Variants in CATSPER4 observed in about 807,000 individuals in gnomAD.
CATSPER4 encodes the protein cation channel sperm-associated protein 4.
CATSPER4 carries 46 observed loss-of-function variants against 54.4 expected under a neutral mutation model. The observed-to-expected ratio is 0.84, with a 90% CI of 0.67 to 1.08. The LOEUF (loss-of-function observed/expected upper bound fraction) is 1.08, where lower values mean the gene tolerates loss of function less well. Ranked by LOEUF, CATSPER4 falls within the 50% of genes least tolerant of loss-of-function variation. The probability of loss-of-function intolerance (pLI) is 0.00; values close to 1 mark genes in which losing one functional copy is unlikely to be tolerated. For missense variants in CATSPER4, 574 were observed against 612.8 expected, an observed-to-expected ratio of 0.94 and a Z score of 0.67; for synonymous variants, 230 against 231.9, an observed-to-expected ratio of 0.99 and a Z score of 0.08.
intron 6 of CATSPER4, among the ~76,000 whole-genome samples, chr1:26,199,049 G>A (rs1403058533): frequency 6.6e-6 from 1 of 152,194 alleles, no homozygotes; most frequent in Non-Finnish European, 1.5e-5. Context: ...GCTCACGCCT[G>A]TAATCCCAGC....
chr1:26,198,110 C>A, intron 5 of CATSPER4, 33 bp downstream of exon 5: 2 of 1,614,186 alleles, frequency 1.2e-6, no homozygotes, highest in Non-Finnish European at 1.7e-6. Flanking sequence ...AGCTGTTTCC[C>A]TTCCCTGAAC....
chr1:26,201,310 C>G (rs778928926), intron 8 of CATSPER4, 44 bp from the exon 9 acceptor site: 1 of 1,604,780 alleles, frequency 6.2e-7, no homozygotes, highest in Non-Finnish European at 8.5e-7. Context: ...GGCTGCTTCC[C>G]TCCCCTGAGG....
intron 3 of CATSPER4, among the ~76,000 whole-genome samples, chr1:26,195,570 G>A (rs540181692): frequency 2.0e-5 from 3 of 149,692 alleles, no homozygotes; most frequent in East Asian, 3.9e-4. Flanking sequence ...GCGCGATCTC[G>A]GCTCACTGCA....
chr1:26,197,750 A>C lies in CATSPER4; in HGVS notation c.524A>C (p.Glu175Ala), dbSNP rs1372052162. 1 of 1,613,874 alleles carries C rather than the reference A, an allele frequency of 6.2e-7. No individual in the cohort carries two copies. Among genetic ancestry groups the C allele is most frequent in the Non-Finnish European group, 8.5e-7 (1 of 1,179,946 alleles). ...TTGCTCTTGCGGTTCTTCATTAATGAAATCAATATTCCCTCCATCAACTAC... is the reference window on the plus strand; with the variant it reads ...TTGCTCTTGCGGTTCTTCATTAATGCAATCAATATTCCCTCCATCAACTAC... Reference protein sequence around the residue: ...FILLLRFFINEINIPSINYTL... With the variant: ...FILLLRFFINAINIPSINYTL... The change falls in exon 4 of 10, where the codon GAA (glutamate) becomes GCA (alanine). Residue 175 changes from glutamate (E) to alanine (A), a missense_variant. Glu to Ala is a moderately radical substitution (Grantham distance 107). Transcript: ENST00000456354.
At chr1:26,195,522 A>T in intron 3 of CATSPER4, among the ~76,000 whole-genome samples, 1 of 140,134 alleles carries the variant, frequency 7.1e-6, no homozygotes, top group Non-Finnish European at 1.5e-5. Flanking sequence ...TTTTTTTGAG[A>T]CGGAGTCTCG....
rs1407922063 is a variant in CATSPER4, at chr1:26,191,379, G to A, written c.306G>A (p.Leu102=). The A allele has an allele frequency of 1.2e-6, 2 of 1,614,052 alleles. No homozygotes were observed. Among genetic ancestry groups the A allele is most frequent in the Non-Finnish European group, 8.5e-7 (1 of 1,180,028 alleles). ...PAFQLLLALL[L]VINAITIALR... ...TCCAACTGCTGCTGGCCCTGCTGCT[G>A]GTGATCAATGCCATCACCATCGCTC... The change falls in exon 2 of 10, where the codon CTG becomes CTA. Residue 102 remains leucine, a synonymous_variant. Transcript: ENST00000456354.
rs2089007010 is a variant in CATSPER4, at chr1:26,201,438, G to A, written c.1284G>A (p.Ser428=). ...ACAGGCGCTCGTCGACGAGCGGGTC[G>A]TTGGAGACTACGTCATCCAAGGACA... The part of the protein sequence containing the change: ...VLNRRSSTSG[S]LETTSSKDIR... The change falls in exon 9 of 10, where the codon TCG becomes TCA. Residue 428 remains serine (S), a synonymous_variant. Coordinates refer to ENST00000456354, the MANE Select transcript of CATSPER4 (RefSeq NM_198137.2). 1 of 1,613,790 alleles carries A rather than the reference G, an allele frequency of 6.2e-7. No individual in the cohort carries two copies. The highest frequency in any genetic ancestry group is 1.1e-5 in the South Asian group (1 of 91,084).
At chr1:26,198,806 T>C (rs945437648) in intron 6 of CATSPER4, among the ~76,000 whole-genome samples, 7 of 152,244 alleles carry the variant, frequency 4.6e-5, no homozygotes, top group Admixed American at 2.0e-4. Context: ...TTTCATTCAT[T>C]CTTAAACCCA....
At chr1:26,198,189 T>A (rs960458602) in intron 5 of CATSPER4, 97 bp from the exon 6 acceptor site, 9 of 1,613,278 alleles carry the variant, frequency 5.6e-6, no homozygotes, top group Non-Finnish European at 7.6e-6. Context: ...CCTGAATCCC[T>A]GTGATTTCCT....
intron 3 of CATSPER4, among the ~76,000 whole-genome samples, chr1:26,196,916 T>TC (rs199724470): frequency 9.8e-4 from 43 of 43,800 alleles, no homozygotes; most frequent in African/African-American, 1.4e-3. Flanking sequence ...TTTCTTTCTT[T>TC]TTTTTTTTTT....
rs116785710 is a variant in CATSPER4, at chr1:26,199,381, C to T, written c.813-503C>T. 3.6e-3 allele frequency among the ~76,000 whole-genome samples: 542 copies of T among 150,256 alleles called. 6 individuals are homozygous for T. The highest frequency in any genetic ancestry group is 0.012 in the African/African-American group (503 of 40,776). On this transcript the variant is annotated intron_variant, in intron 6 of 9. Coordinates refer to ENST00000456354, the MANE Select transcript of CATSPER4 (RefSeq NM_198137.2). ...TGGGAGGCGGAGGTTGCGGTGAACC[C>T]ATATCACGCCACTGCACTCCAGCTT... is the stretch of plus-strand genomic sequence containing the variant.
chr1:26,202,446 C>CG (rs776604961), intron 9 of CATSPER4, 43 bp from the exon 10 acceptor site: 53 of 1,572,644 alleles, frequency 3.4e-5, no homozygotes, highest in Admixed American at 1.5e-4. Flanking sequence ...GCTGCCATAT[C>CG]GGGGGGAGTG....
At chr1:26,193,725 G>A in intron 2 of CATSPER4, 62 bp from the exon 3 acceptor site, 1 of 1,065,364 alleles carries the variant, frequency 9.4e-7, no homozygotes, top group Non-Finnish European at 1.5e-6. Context: ...CTCCCTGCCG[G>A]CTTGCCCAGG....
At chr1:26,197,824 G>A (rs756390365) in intron 4 of CATSPER4, 41 bp downstream of exon 4, 1 of 1,607,546 alleles carries the variant, frequency 6.2e-7, no homozygotes, top group Admixed American at 1.7e-5. Context: ...GACCTATCTG[G>A]AACCCAGGAA....
intron 6 of CATSPER4, 79 bp from the exon 7 acceptor site, chr1:26,199,805 G>T (rs941936240): frequency 2.0e-6 from 3 of 1,529,904 alleles, no homozygotes; most frequent in East Asian, 2.3e-5. Context: ...GCCTTGGGAT[G>T]ATTTTCCCAT....
chr1:26,199,666 G>T (rs1484042756), intron 6 of CATSPER4, among the ~76,000 whole-genome samples: 1 of 151,840 alleles, frequency 6.6e-6, no homozygotes, highest in Non-Finnish European at 1.5e-5. Flanking sequence ...TCCCCACCTT[G>T]CAGGGTTGGT....
Position 26,197,986 on chromosome 1 carries a change from C to T in CATSPER4, c.587C>T (p.Ala196Val), listed in dbSNP as rs764498806. Residue 196 changes from alanine to valine, a missense_variant, in exon 5 of 10, where the codon GCG (alanine) becomes GTG (valine). Ala to Val is a moderately conservative substitution (Grantham distance 64, BLOSUM62 0). Transcript: ENST00000456354. ...RALRLVHVCM[A>V]VEPLARIIRV... The stretch of plus-strand genomic sequence containing the variant: ...CTTCGTCTGGTGCATGTGTGCATGG[C>T]GGTGGAGCCCCTCGCCCGGATCATC... 35 of 1,613,536 alleles carry T rather than the reference C, an allele frequency of 2.2e-5. No homozygotes were observed. The highest frequency in any genetic ancestry group is 1.2e-4 in the South Asian group (11 of 91,062).
At chr1:26,194,849 G>A (rs1406755249) in intron 3 of CATSPER4, among the ~76,000 whole-genome samples, 3 of 152,170 alleles carry the variant, frequency 2.0e-5, no homozygotes, top group African/African-American at 7.2e-5. Context: ...CACTTTGGGA[G>A]GCTGAGGTAA....
chr1:26,196,385 A>G lies in CATSPER4; in HGVS notation c.460-1301A>G, dbSNP rs1210767333. 3.7e-5 allele frequency among the ~76,000 whole-genome samples: 5 copies of G among 133,962 alleles called. No individual in the cohort carries two copies. In the East Asian group the frequency reaches 1.1e-3, roughly 29 times the overall value. The allele number at this position is 133,962 out of a possible 152,430, so 87.9% of individuals were successfully genotyped here. A position where few individuals can be genotyped will look rare whatever the true frequency, so the allele number is the denominator to read the frequency against. On this transcript the variant is annotated intron_variant, in intron 3 of 9. Coordinates refer to ENST00000456354, the MANE Select transcript of CATSPER4 (RefSeq NM_198137.2). Reference sequence around the variant, plus strand: ...AATCAGTCTCTTCTGATCATTTGACACGTTGGTTTTCTTTTCCTTTTTTTT... The same window carrying G: ...AATCAGTCTCTTCTGATCATTTGACGCGTTGGTTTTCTTTTCCTTTTTTTT...
Sources: gnomAD v4.1 joint callset for allele counts (sites outside exome capture counted in the v4.1 genomes callset) on GRCh38, gnomAD v4.1.1 for gene constraint, MANE v1.5 for transcripts, NCBI Gene and HGNC (gene_info 2026-07-23, HGNC 2026-07-21) for gene names.